GBP1: variants seen among roughly 807,000 people sequenced by gnomAD.
GBP1 encodes the protein guanylate-binding protein 1.
In GBP1, 64 loss-of-function variants were observed where a neutral mutation model predicts 69.5. The ratio of observed to expected loss-of-function variants is 0.92; its 90% CI spans 0.75 to 1.13. GBP1 has a LOEUF of 1.13. Ranked by LOEUF, GBP1 falls within the 50% of genes most tolerant of loss-of-function variation. The pLI, the probability that GBP1 is intolerant of heterozygous loss-of-function variation, is 0.00. For missense variants in GBP1, 630 were observed against 704.1 expected, an observed-to-expected ratio of 0.89 and a Z score of 1.19; for synonymous variants, 250 against 261.2, an observed-to-expected ratio of 0.96 and a Z score of 0.41.
At chr1:89,058,637 A>G (rs1680104875) in intron 5 of GBP1, 1 of 638,264 alleles carries the variant, frequency 1.6e-6, no homozygotes, top group Non-Finnish European at 2.7e-6. Context: ...AGGTGAAAGA[A>G]CAAGAAACTT....
intron 5 of GBP1, 147 bp from the exon 6 acceptor site, chr1:89,058,381 A>G: frequency 1.4e-6 from 1 of 714,762 alleles, no homozygotes; most frequent in African/African-American, 1.8e-5. Flanking sequence ...ACAGCTTTAG[A>G]CAATATGTAA....
At chr1:89,058,580 A>G in intron 5 of GBP1, 2 of 563,040 alleles carry the variant, frequency 3.6e-6, no homozygotes, top group Non-Finnish European at 6.3e-6. Flanking sequence ...AGAAGATCAC[A>G]AACCCTAGGC....
At chr1:89,059,471 G>T in intron 3 of GBP1, 45 bp from the exon 4 acceptor site, 1 of 1,607,096 alleles carries the variant, frequency 6.2e-7, no homozygotes, top group Non-Finnish European at 8.5e-7. Flanking sequence ...TTTCATCATC[G>T]CAGCACTTTT....
chr1:89,055,972 G>A, intron 8 of GBP1, 44 bp downstream of exon 8: 33 of 1,611,202 alleles, frequency 2.0e-5, no homozygotes, highest in Non-Finnish European at 2.8e-5. Context: ...TTTGTAGGAG[G>A]CAGGTCAGCA....
chr1:89,055,074 A>C, intron 9 of GBP1, 39 bp downstream of exon 9: 2 of 1,570,594 alleles, frequency 1.3e-6, no homozygotes, highest in Non-Finnish European at 1.7e-6. Flanking sequence ...CAATTTTTGG[A>C]GCTTTTGAGG....
chr1:89,064,232 TGTGTGTGTGAGA>T (rs1235019753), intron 1 of GBP1, among the ~76,000 whole-genome samples: 9 of 113,632 alleles, frequency 7.9e-5, no homozygotes, highest in African/African-American at 1.9e-4. Flanking sequence ...TGTGTGTGTG[TGTGTGTGTGAGA>T]GAGAGAGAGA....
intron 3 of GBP1, 90 bp from the exon 4 acceptor site, chr1:89,059,516 A>T: frequency 4.7e-5 from 50 of 1,057,158 alleles, no homozygotes; most frequent in Non-Finnish European, 6.1e-5. Context: ...TTCATATGTT[A>T]GAGGGTTTTT....
intron 6 of GBP1, among the ~76,000 whole-genome samples, 170 bp downstream of exon 6, chr1:89,057,822 C>T (rs754244673): frequency 5.3e-5 from 8 of 152,198 alleles, no homozygotes; most frequent in Non-Finnish European, 8.8e-5. Flanking sequence ...TTGGCCTTTT[C>T]CTAGACTGGA....
chr1:89,058,120 T>C lies in GBP1; in HGVS notation c.746A>G (p.Gln249Arg), dbSNP rs765005572. ...DRPVHRRKLA[Q>R]LEKLQDEELD... Reference sequence around the variant, plus strand: ...CTCTTCATCTTGTAGTTTCTCGAGCTGGGCAAGCTTCCTGCGGTGAACGGG... The same window carrying C: ...CTCTTCATCTTGTAGTTTCTCGAGCCGGGCAAGCTTCCTGCGGTGAACGGG... Residue 249 changes from glutamine (Q) to arginine (R), a missense_variant, in exon 6 of 11, where the codon CAG becomes CGG. By Grantham distance (43) the Gln-to-Arg change is conservative (BLOSUM62 1). Around this residue, in one of 5 missense-constraint regions of GBP1, gnomAD observed 367 missense variants for 369.5 expected, o/e 0.99. Coordinates refer to ENST00000370473, the MANE Select transcript of GBP1 (RefSeq NM_002053.3). The C allele has an allele frequency of 3.1e-6, 5 of 1,614,190 alleles. No individual in the cohort carries two copies. The East Asian group carries it at 6.7e-5, about 22-fold the overall frequency.
Position 89,060,192 on chromosome 1 carries a change from C to T in GBP1, c.318+5G>A, listed in dbSNP as rs1479919256. On this transcript the variant is annotated splice_donor_5th_base_variant and intron_variant, in intron 3 of 10. Transcript: ENST00000370473. The stretch of plus-strand genomic sequence containing the variant: ...TTACTCCACAACTGGATCCTTGAGT[C>T]TCACCTTCTCTACATCTCCCAGACC... The T allele has an allele frequency of 6.3e-7, 1 of 1,590,022 alleles. No individual in the cohort carries two copies. Among genetic ancestry groups the T allele is most frequent in the African/African-American group, 1.4e-5 (1 of 73,558 alleles).
In GBP1 at chr1:89,057,935, T is replaced by C. The variant is rs1437966959; in HGVS notation, c.874+57A>G. The C allele has an allele frequency of 3.3e-6, 5 of 1,502,906 alleles. No homozygotes were observed. In the Admixed American group the frequency reaches 8.3e-5, roughly 25 times the overall value. 93.1% of individuals were successfully genotyped at this position (1,502,906 alleles called of 1,614,324 possible). ...TTCAATGCTGAAACTAGGTGGAAGT[T>C]ATTCTATGCTCCTCTAGTCTTAAAC... On this transcript the variant is annotated intron_variant, in intron 6 of 10. Transcript: ENST00000370473.
Position 89,056,963 on chromosome 1 carries a change from G to C in GBP1, c.1046C>G (p.Thr349Ser), listed in dbSNP as rs1048425. 0.77 allele frequency: 1,245,362 copies of C among 1,614,032 alleles called. 483,355 individuals carry two copies. Among genetic ancestry groups the C allele is most frequent in the African/African-American group, 0.81 (60,483 of 74,990 alleles). The change falls in exon 7 of 11, where the codon ACC becomes AGC. Residue 349 changes from threonine to serine, a missense_variant. Coordinates refer to ENST00000370473, the MANE Select transcript of GBP1 (RefSeq NM_002053.3). ...GTGCAGGTCCAGCAGCTCCTGGAGG[G>C]TTTCTGTGGGCAGCTGCACCTTCTG... Reference protein sequence around the residue: ...MGQKVQLPTETLQELLDLHRD... With the variant: ...MGQKVQLPTESLQELLDLHRD...
At position 89,056,054 on chromosome 1, in the gene GBP1, T is replaced by C. The variant is rs1680035352; in HGVS notation, c.1330A>G (p.Lys444Glu). The change falls in exon 8 of 11, where the codon AAG (lysine) becomes GAG (glutamate). Residue 444 changes from lysine (K) to glutamate (E), a missense_variant. By Grantham distance (56) the Lys-to-Glu change is moderately conservative. This residue lies in a region of GBP1 where 367 missense variants were observed against 369.5 expected (regional missense o/e 0.99). Transcript: ENST00000370473. The stretch of plus-strand genomic sequence containing the variant: ...CTCGGTTCCTCATAGTACTTTTTCT[T>C]CAGGTCTTGTAGCTTCTGAACAAAG... ...RLFVQKLQDL[K>E]KKYYEEPRKG... 25 of 1,613,988 alleles carry C rather than the reference T, an allele frequency of 1.5e-5. No individual in the cohort carries two copies. Among genetic ancestry groups the C allele is most frequent in the Non-Finnish European group, 2.0e-5 (24 of 1,179,870 alleles).
intron 7 of GBP1, 78 bp from the exon 8 acceptor site, chr1:89,056,306 T>A: frequency 6.2e-7 from 1 of 1,609,348 alleles, no homozygotes; most frequent in Non-Finnish European, 8.5e-7. Context: ...GGGAACGATT[T>A]CTGAAAATAG....
intron 6 of GBP1, among the ~76,000 whole-genome samples, chr1:89,057,734 A>ACTTGT (rs59697821): frequency 0.42 from 63,270 of 151,826 alleles, 13,957 homozygotes; most frequent in Non-Finnish European, 0.49. Flanking sequence ...ACATAGACAC[A>ACTTGT]CTTGTCTAGG....
At chr1:89,059,633 G>A (rs554316733) in intron 3 of GBP1, among the ~76,000 whole-genome samples, 3 of 150,172 alleles carry the variant, frequency 2.0e-5, no homozygotes, top group South Asian at 2.1e-4. Flanking sequence ...GTTTTTCGAC[G>A]AGTGTTTTTG....
At chr1:89,059,536 C>CTTT (rs34279176) in intron 3 of GBP1, 110 bp from the exon 4 acceptor site, 157 of 596,168 alleles carry the variant, frequency 2.6e-4, no homozygotes, top group Middle Eastern at 5.4e-4. Flanking sequence ...TTTTTCTTTT[C>CTTT]TTTTTTTTTT....
intron 3 of GBP1, 38 bp from the exon 4 acceptor site, chr1:89,059,464 C>A: frequency 1.2e-6 from 2 of 1,606,292 alleles, no homozygotes; most frequent in Non-Finnish European, 1.7e-6. Context: ...GAGCAAGTTT[C>A]ATCATCGCAG....
chr1:89,058,737 G>T, intron 5 of GBP1, 104 bp downstream of exon 5: 1 of 1,167,940 alleles, frequency 8.6e-7, no homozygotes. Flanking sequence ...GCCAGCTGAA[G>T]ACATAGAAAA....
Sources: gnomAD v4.1 joint callset for allele counts (sites outside exome capture counted in the v4.1 genomes callset) on GRCh38, gnomAD v4.1.1 for gene constraint, gnomAD v4.1.1 regional missense constraint, MANE v1.5 for transcripts, NCBI Gene and HGNC (gene_info 2026-07-23, HGNC 2026-07-21) for gene names.